SLC10A7: variants seen among roughly 807,000 people sequenced by gnomAD.
SLC10A7 encodes solute carrier family 10 member 7.
A neutral mutation model predicts 43.2 loss-of-function variants in SLC10A7; 29 were observed. That is an observed-to-expected ratio of 0.67 (90% confidence interval 0.50 to 0.92). The LOEUF (loss-of-function observed/expected upper bound fraction) is 0.92, where lower values mean the gene tolerates loss of function less well. Among genes scored for constraint, SLC10A7 ranks in the 40% least tolerant of loss-of-function variants. The probability of loss-of-function intolerance (pLI) is 0.00; values close to 1 mark genes in which losing one functional copy is unlikely to be tolerated. For missense variants in SLC10A7, 295 were observed against 403.2 expected (o/e 0.73, Z 2.30); for synonymous variants, 152 against 144.8 (o/e 1.05, Z -0.35).
intron 4 of SLC10A7, among the ~76,000 whole-genome samples, chr4:146,458,428 C>T (rs556522710): frequency 5.4e-4 from 82 of 151,790 alleles, no homozygotes; most frequent in Non-Finnish European, 9.9e-4. Context: ...CTTATTACTA[C>T]GTCTATCCAA....
intron 5 of SLC10A7, among the ~76,000 whole-genome samples, chr4:146,403,192 T>C (rs1739340734): frequency 6.6e-6 from 1 of 152,188 alleles, no homozygotes; most frequent in Non-Finnish European, 1.5e-5. Flanking sequence ...TTAGTTAAAC[T>C]TACCCTGCTT....
At chr4:146,461,419 AATATT>A (rs1732515353) in intron 4 of SLC10A7, among the ~76,000 whole-genome samples, 1 of 152,074 alleles carries the variant, frequency 6.6e-6, no homozygotes, top group Non-Finnish European at 1.5e-5. Context: ...TATGCTACAA[AATATT>A]ATATAAAGTA....
intron 10 of SLC10A7, among the ~76,000 whole-genome samples, chr4:146,280,183 T>C (rs1729456358): frequency 6.6e-6 from 1 of 152,186 alleles, no homozygotes; most frequent in African/African-American, 2.4e-5. Flanking sequence ...TGTATACACA[T>C]ATATACACAC....
intron 10 of SLC10A7, among the ~76,000 whole-genome samples, chr4:146,280,778 G>A (rs1729500034): frequency 6.6e-6 from 1 of 152,114 alleles, no homozygotes; most frequent in African/African-American, 2.4e-5. Context: ...GCAGCAAAGA[G>A]GGCATTTTCA....
intron 10 of SLC10A7, among the ~76,000 whole-genome samples, chr4:146,267,831 T>C (rs1728655221): frequency 6.6e-6 from 1 of 152,192 alleles, no homozygotes; most frequent in African/African-American, 2.4e-5. Flanking sequence ...TACTTAGATT[T>C]AGGATTTCCA....
chr4:146,489,024 C>G (rs1735158083), intron 4 of SLC10A7, among the ~76,000 whole-genome samples: 2 of 152,168 alleles, frequency 1.3e-5, no homozygotes, highest in African/African-American at 4.8e-5. Flanking sequence ...TCCCTGCCAT[C>G]TAATGAGAGC....
At chr4:146,415,025 G>T (rs1022205466) in intron 5 of SLC10A7, among the ~76,000 whole-genome samples, 1 of 151,932 alleles carries the variant, frequency 6.6e-6, no homozygotes, top group Non-Finnish European at 1.5e-5. Flanking sequence ...TCAAATTTTC[G>T]GACTACTTCC....
At chr4:146,414,734 A>AC (rs75419666) in intron 5 of SLC10A7, among the ~76,000 whole-genome samples, 45 of 151,936 alleles carry the variant, frequency 3.0e-4, no homozygotes, top group African/African-American at 1.0e-3. Flanking sequence ...AAAAAAAAAA[A>AC]ACTCACTGAG....
chr4:146,373,871 C>T (rs1047583334), intron 5 of SLC10A7, among the ~76,000 whole-genome samples: 2 of 151,948 alleles, frequency 1.3e-5, no homozygotes, highest in African/African-American at 4.8e-5. Flanking sequence ...CAGGCAAAGG[C>T]TATAAGAGAT....
chr4:146,427,248 T>A (rs1729440628), intron 5 of SLC10A7, among the ~76,000 whole-genome samples: 1 of 152,094 alleles, frequency 6.6e-6, no homozygotes, highest in Non-Finnish European at 1.5e-5. Flanking sequence ...GATGGGAGGA[T>A]CACTTGAGCC....
intron 5 of SLC10A7, among the ~76,000 whole-genome samples, chr4:146,331,105 C>A (rs775415347): frequency 2.0e-5 from 3 of 152,068 alleles, no homozygotes; most frequent in Non-Finnish European, 2.9e-5. Context: ...GGACAAAAGT[C>A]CTCAGTTCCT....
intron 6 of SLC10A7, among the ~76,000 whole-genome samples, chr4:146,323,225 T>C (rs961198050): frequency 6.6e-6 from 1 of 152,214 alleles, no homozygotes; most frequent in Admixed American, 6.5e-5. Flanking sequence ...GTTTTTAGTT[T>C]AATTAGATTC....
At chr4:146,301,275 A>G (rs1352494185) in intron 7 of SLC10A7, among the ~76,000 whole-genome samples, 1 of 152,148 alleles carries the variant, frequency 6.6e-6, no homozygotes, top group Admixed American at 6.5e-5. Context: ...AATGAGTAGG[A>G]GTTTGCTGGC....
At chr4:146,518,486 T>G (rs954644220) in intron 1 of SLC10A7, among the ~76,000 whole-genome samples, 5 of 152,094 alleles carry the variant, frequency 3.3e-5, no homozygotes, top group African/African-American at 1.2e-4. Context: ...ATGGCAACAT[T>G]TAAAAACCTA....
At chr4:146,438,790 C>T (rs1445761086) in intron 5 of SLC10A7, among the ~76,000 whole-genome samples, 1 of 151,866 alleles carries the variant, frequency 6.6e-6, no homozygotes, top group African/African-American at 2.4e-5. Context: ...TTGTTTTCAA[C>T]ACAATTGAAT....
At chr4:146,361,828 T>A (rs1361975318) in intron 5 of SLC10A7, among the ~76,000 whole-genome samples, 1 of 152,160 alleles carries the variant, frequency 6.6e-6, no homozygotes, top group African/African-American at 2.4e-5. Context: ...GGAAGCTCAA[T>A]GAATTCAACA....
intron 5 of SLC10A7, among the ~76,000 whole-genome samples, chr4:146,366,722 G>A (rs552569626): frequency 2.0e-5 from 3 of 152,192 alleles, no homozygotes; most frequent in South Asian, 2.1e-4. Context: ...TTATAAATTT[G>A]ATGTAATAGA....
intron 4 of SLC10A7, among the ~76,000 whole-genome samples, chr4:146,467,402 C>T (rs56105621): frequency 0.26 from 38,708 of 150,458 alleles, 5,102 homozygotes; most frequent in South Asian, 0.34. Context: ...TTGAGAAAGA[C>T]AACACTAAAT....
Position 146,475,688 on chromosome 4 carries a change from G to T in SLC10A7, c.396+28161C>A, listed in dbSNP as rs1320024565. 4.6e-5 allele frequency among the ~76,000 whole-genome samples: 7 copies of T among 152,158 alleles called. No individual in the cohort carries two copies. The East Asian group carries it at 1.4e-3, about 29-fold the overall frequency. ...GCTATTACTCCAAACCTCAGGTGAA[G>T]ATAAATATAACTTTAAATGAAAACT... On this transcript the variant is annotated intron_variant, in intron 4 of 11. Coordinates refer to ENST00000335472, the MANE Select transcript of SLC10A7 (RefSeq NM_001029998.6).
Sources: gnomAD v4.1 joint callset for allele counts (sites outside exome capture counted in the v4.1 genomes callset) on GRCh38, gnomAD v4.1.1 for gene constraint, MANE v1.5 for transcripts, NCBI Gene and HGNC (gene_info 2026-07-23, HGNC 2026-07-21) for gene names.